GAREM1: variants seen among roughly 807,000 people sequenced by gnomAD.
The protein encoded by GAREM1 is GRB2-associated and regulator of MAPK protein 1.
In GAREM1, 26 loss-of-function variants were observed where a neutral mutation model predicts 71.3. The observed-to-expected ratio is 0.36, with a 90% CI of 0.27 to 0.51. The LOEUF (loss-of-function observed/expected upper bound fraction) is 0.51. Among genes scored for constraint, GAREM1 ranks in the 20% least tolerant of loss-of-function variants. GAREM1 has a pLI of 0.95. For synonymous variants in GAREM1, 440 were observed against 433.2 expected (o/e 1.02, Z -0.20); for missense variants, 1,026 against 1,103.1 (o/e 0.93, Z 0.99).
intron 2 of GAREM1, among the ~76,000 whole-genome samples, chr18:32,324,840 G>GA (rs2047460689): frequency 6.6e-6 from 1 of 152,174 alleles, no homozygotes; most frequent in Non-Finnish European, 1.5e-5. Flanking sequence ...ATGCCAATCT[G>GA]AAAAAAATTA....
At chr18:32,374,429 CT>C (rs541544173) in intron 2 of GAREM1, among the ~76,000 whole-genome samples, 1 of 152,198 alleles carries the variant, frequency 6.6e-6, no homozygotes, top group African/African-American at 2.4e-5. Flanking sequence ...GCATGTGCCC[CT>C]ATGAGAATGT....
At chr18:32,366,835 A>G (rs1008834540) in intron 2 of GAREM1, among the ~76,000 whole-genome samples, 1 of 152,208 alleles carries the variant, frequency 6.6e-6, no homozygotes, top group Non-Finnish European at 1.5e-5. Context: ...TATTCTGGAA[A>G]AACCAGTGGG....
intron 3 of GAREM1, among the ~76,000 whole-genome samples, chr18:32,303,314 C>T (rs2047218193): frequency 6.6e-6 from 1 of 152,128 alleles, no homozygotes; most frequent in Admixed American, 6.5e-5. Flanking sequence ...GCCTCAGACC[C>T]AATGCCAAAT....
chr18:32,281,059 A>G (rs2046946520), intron 4 of GAREM1, among the ~76,000 whole-genome samples: 1 of 152,236 alleles, frequency 6.6e-6, no homozygotes, highest in African/African-American at 2.4e-5. Context: ...ACCGAGTGCC[A>G]GGGAGAAGTG....
chr18:32,349,398 C>T (rs1465334814), intron 2 of GAREM1, among the ~76,000 whole-genome samples: 3 of 152,274 alleles, frequency 2.0e-5, no homozygotes, highest in Middle Eastern at 3.4e-3. Context: ...GGCTTACAGG[C>T]TCAAATCATT....
intron 2 of GAREM1, among the ~76,000 whole-genome samples, chr18:32,359,556 C>G (rs2047842599): frequency 6.6e-6 from 1 of 152,154 alleles, no homozygotes; most frequent in Admixed American, 6.5e-5. Context: ...CTTACTTTTA[C>G]AGTTGCTTTG....
At chr18:32,399,855 G>A (rs1471753901) in intron 1 of GAREM1, among the ~76,000 whole-genome samples, 1 of 152,120 alleles carries the variant, frequency 6.6e-6, no homozygotes, top group Non-Finnish European at 1.5e-5. Flanking sequence ...AAAAGAGCCT[G>A]CACTGTCAAG....
intron 5 of GAREM1, among the ~76,000 whole-genome samples, chr18:32,269,880 C>T (rs1430458483): frequency 1.3e-5 from 2 of 152,100 alleles, no homozygotes; most frequent in Non-Finnish European, 2.9e-5. Context: ...CTTGAAGGTG[C>T]TGTCTGCTCG....
intron 3 of GAREM1, among the ~76,000 whole-genome samples, chr18:32,305,242 C>A (rs1371385286): frequency 1.3e-5 from 2 of 152,116 alleles, no homozygotes; most frequent in African/African-American, 2.4e-5. Flanking sequence ...TGAGAGGTAA[C>A]CTGCCCACAT....
chr18:32,399,282 C>A (rs908128123), intron 1 of GAREM1, among the ~76,000 whole-genome samples: 20 of 152,162 alleles, frequency 1.3e-4, no homozygotes, highest in African/African-American at 4.3e-4. Context: ...TGCCCTCTCT[C>A]ACCACTCCTA....
chr18:32,402,414 TA>T (rs1203152447), intron 1 of GAREM1, among the ~76,000 whole-genome samples: 1 of 151,876 alleles, frequency 6.6e-6, no homozygotes, highest in Non-Finnish European at 1.5e-5. Context: ...TTAGTCTGCT[TA>T]AAAAAAAGGA....
Position 32,412,504 on chromosome 18 carries a change from G to A in GAREM1, c.122-19469C>T, listed in dbSNP as rs148785344. On this transcript the variant is annotated intron_variant, in intron 1 of 5. Coordinates refer to ENST00000269209, the MANE Select transcript of GAREM1 (RefSeq NM_001242409.2). ...GCACGGCTGCCACCAAAGCCACCAC[G>A]ACCACTGAAGTTTCCTCCATGACCG... 4.3e-4 allele frequency: 688 copies of A among 1,595,996 alleles called. 4 individuals are homozygous for A. The African/African-American group carries it at 7.9e-3, about 18-fold the overall frequency.
chr18:32,288,222 C>T lies in GAREM1; in HGVS notation c.394-19G>A, dbSNP rs753495430. The T allele has an allele frequency of 6.5e-7, 1 of 1,549,088 alleles. No homozygotes were observed. The highest frequency in any genetic ancestry group is 8.7e-7 in the Non-Finnish European group (1 of 1,147,396). The stretch of plus-strand genomic sequence containing the variant: ...AAGCAACCTACAATATAATAAATCA[C>T]ATTTTACGTTCATTTCCTTTGATCT... On this transcript the variant is annotated intron_variant, in intron 3 of 5. Coordinates refer to ENST00000269209, the MANE Select transcript of GAREM1 (RefSeq NM_001242409.2).
intron 1 of GAREM1, among the ~76,000 whole-genome samples, chr18:32,459,938 T>C (rs1248886563): frequency 6.6e-6 from 1 of 152,144 alleles, no homozygotes; most frequent in Non-Finnish European, 1.5e-5. Context: ...CAGACTCTGT[T>C]ATAACGAGTG....
chr18:32,351,616 G>C (rs1244229817), intron 2 of GAREM1, among the ~76,000 whole-genome samples: 1 of 151,980 alleles, frequency 6.6e-6, no homozygotes, highest in Admixed American at 6.6e-5. Flanking sequence ...TACACACACA[G>C]TGTCCTGATA....
intron 2 of GAREM1, among the ~76,000 whole-genome samples, chr18:32,332,376 C>T (rs893720044): frequency 1.3e-5 from 2 of 152,034 alleles, no homozygotes; most frequent in South Asian, 2.1e-4. Context: ...CGCAGCCCAG[C>T]CCCCATGCTC....
At chr18:32,410,767 T>C (rs565886691) in intron 1 of GAREM1, among the ~76,000 whole-genome samples, 4 of 152,302 alleles carry the variant, frequency 2.6e-5, no homozygotes, top group Non-Finnish European at 5.9e-5. Flanking sequence ...TAGTACTGTA[T>C]AGATAGAAGT....
intron 4 of GAREM1, among the ~76,000 whole-genome samples, chr18:32,276,195 T>C (rs777261716): frequency 3.3e-5 from 5 of 152,228 alleles, no homozygotes; most frequent in Non-Finnish European, 7.3e-5. Context: ...TAGAAAGGCA[T>C]ATTCAGACAA....
intron 1 of GAREM1, among the ~76,000 whole-genome samples, chr18:32,418,362 T>C (rs1001083742): frequency 7.2e-5 from 11 of 152,126 alleles, no homozygotes; most frequent in African/African-American, 2.7e-4. Context: ...CTGTGTACTG[T>C]AAACACCCTC....
Sources: allele counts gnomAD v4.1 joint callset (sites outside exome capture counted in the v4.1 genomes callset), GRCh38; gene constraint gnomAD v4.1.1; transcripts MANE v1.5; gene names NCBI Gene and HGNC (gene_info 2026-07-23, HGNC 2026-07-21).